Variants in CEP170 observed in about 807,000 individuals in gnomAD.
CEP170 encodes the protein centrosomal protein of 170 kDa.
CEP170 carries 21 observed loss-of-function variants against 151.9 expected under a neutral mutation model. The ratio of observed to expected loss-of-function variants is 0.14; its 90% CI spans 0.10 to 0.20. The LOEUF is 0.20. Among genes scored for constraint, CEP170 ranks in the 10% least tolerant of loss-of-function variants. The pLI, the probability that CEP170 is intolerant of heterozygous loss-of-function variation, is 1.00. For synonymous variants in CEP170, 356 were observed against 648.8 expected (o/e 0.55, Z 6.86); for missense variants, 964 against 1,892.9 (o/e 0.51, Z 9.11).
intron 1 of CEP170, among the ~76,000 whole-genome samples, chr1:243,251,007 A>G (rs1284752941): frequency 6.6e-6 from 1 of 152,226 alleles, no homozygotes; most frequent in Non-Finnish European, 1.5e-5. Context: ...AAAGGAAACC[A>G]TATGAAGTTG....
At chr1:243,244,754 T>TA (rs36113012) in intron 1 of CEP170, among the ~76,000 whole-genome samples, 47,275 of 144,696 alleles carry the variant, frequency 0.33, 7,743 homozygotes, top group South Asian at 0.54. Flanking sequence ...TCACAAAAAG[T>TA]AAAAAAAAAG....
chr1:243,231,658 G>A (rs993563067), intron 1 of CEP170, among the ~76,000 whole-genome samples: 8 of 151,874 alleles, frequency 5.3e-5, no homozygotes, highest in Non-Finnish European at 8.8e-5. Flanking sequence ...AATTGGAATC[G>A]CCAAGGTAAC....
intron 13 of CEP170, among the ~76,000 whole-genome samples, chr1:243,160,800 T>G (rs1484660389): frequency 2.0e-5 from 3 of 152,196 alleles, no homozygotes. Flanking sequence ...CATGCATGTC[T>G]AACATTTAAT....
chr1:243,178,902 TAG>T (rs1351074454), intron 10 of CEP170, among the ~76,000 whole-genome samples: 1 of 152,088 alleles, frequency 6.6e-6, no homozygotes, highest in African/African-American at 2.4e-5. Context: ...GTATTTTTAG[TAG>T]AGAGGGGGTT....
intron 1 of CEP170, among the ~76,000 whole-genome samples, chr1:243,244,934 G>A (rs2065226409): frequency 6.6e-6 from 1 of 151,962 alleles, no homozygotes; most frequent in Non-Finnish European, 1.5e-5. Context: ...TATTTCATAA[G>A]GAAAAGGAAA....
At chr1:243,197,966 C>T (rs1458077026) in intron 7 of CEP170, among the ~76,000 whole-genome samples, 7 of 152,230 alleles carry the variant, frequency 4.6e-5, no homozygotes, top group African/African-American at 7.2e-5. Context: ...ATAACGCTCG[C>T]TTTTCTAGAC....
At chr1:243,233,412 T>TC (rs34114650) in intron 1 of CEP170, among the ~76,000 whole-genome samples, 129,257 of 152,068 alleles carry the variant, frequency 0.85, 55,084 homozygotes, top group East Asian at 0.94. Flanking sequence ...TACACAGGTT[T>TC]AAAATTACAT....
chr1:243,205,102 A>C (rs1254588185), intron 4 of CEP170, among the ~76,000 whole-genome samples: 1 of 152,096 alleles, frequency 6.6e-6, no homozygotes, highest in Non-Finnish European at 1.5e-5. Flanking sequence ...AGCCTGGCAG[A>C]CTCCCTGAGT....
chr1:243,128,044 C>T lies in CEP170; in HGVS notation c.4465+205G>A, dbSNP rs147754079. Among the ~76,000 whole-genome samples, 1,028 of 152,234 alleles carry T rather than the reference C, an allele frequency of 6.8e-3. 7 individuals are homozygous for T. Among genetic ancestry groups the T allele is most frequent in the Non-Finnish European group, 0.011 (729 of 68,030 alleles). On this transcript the variant is annotated intron_variant, in intron 19 of 19. Coordinates refer to ENST00000366542, the MANE Select transcript of CEP170 (RefSeq NM_014812.3). ...AACCTATGAACTAAAATATGCCCAA[C>T]ATATATCTTTATTACATTTTAAATT... is the stretch of plus-strand genomic sequence containing the variant.
chr1:243,204,736 T>G, intron 4 of CEP170, among the ~76,000 whole-genome samples: 1 of 152,210 alleles, frequency 6.6e-6, no homozygotes, highest in Non-Finnish European at 1.5e-5. Flanking sequence ...ATTCCCTTAA[T>G]GATCTCATTC....
rs1045438607 is a variant in CEP170, at chr1:243,200,638, A to G, written c.376T>C (p.Ser126Pro). The change falls in exon 6 of 20, where the codon TCA (serine) becomes CCA (proline). Residue 126 changes from serine (S) to proline (P), a missense_variant. Physicochemically the swap from Ser to Pro is moderately conservative, Grantham distance 74. Coordinates refer to ENST00000366542, the MANE Select transcript of CEP170 (RefSeq NM_014812.3). ...TIQLQLSQKSSESELSKSASA... is the reference protein window; with the variant it reads ...TIQLQLSQKSPESELSKSASA... ...GCAGATTTGGATAATTCTGATTCTG[A>G]AGATTTTTGGGACAACTGAAGCTGA... 7 of 1,542,954 alleles carry G rather than the reference A, an allele frequency of 4.5e-6. No individual in the cohort carries two copies. Among genetic ancestry groups the G allele is most frequent in the Non-Finnish European group, 5.2e-6 (6 of 1,145,624 alleles).
At chr1:243,206,747 G>A (rs1469390192) in intron 4 of CEP170, among the ~76,000 whole-genome samples, 1 of 152,116 alleles carries the variant, frequency 6.6e-6, no homozygotes, top group Non-Finnish European at 1.5e-5. Context: ...GTAGTATGGG[G>A]TTTGTGACAC....
intron 4 of CEP170, among the ~76,000 whole-genome samples, chr1:243,203,081 T>A (rs1296527837): frequency 1.3e-5 from 2 of 152,106 alleles, no homozygotes; most frequent in African/African-American, 4.8e-5. Flanking sequence ...AGCCTCTTGT[T>A]TGGGTCATTA....
At chr1:243,150,270 C>A (rs535777530) in intron 14 of CEP170, among the ~76,000 whole-genome samples, 1 of 152,284 alleles carries the variant, frequency 6.6e-6, no homozygotes, top group African/African-American at 2.4e-5. Context: ...CCTGCCTCAG[C>A]CACCCGAGTA....
Position 243,124,881 on chromosome 1 carries a change from T to C in CEP170, c.*1568A>G, listed in dbSNP as rs1010653758. 6.8e-6 allele frequency: 1 copy of C among 147,574 alleles called. No homozygotes were observed. Among genetic ancestry groups the C allele is most frequent in the African/African-American group, 2.5e-5 (1 of 39,246 alleles). The allele number at this position is 147,574 out of a possible 1,614,324, so 9.1% of individuals were successfully genotyped here. ...TACAAGGAGAATAGTTCATTTACCT[T>C]TTTTTTTTTGTATTTAAAGAAAAAT... On this transcript the variant is annotated 3_prime_UTR_variant, in exon 20 of 20. Transcript: ENST00000366542.
At chr1:243,221,609 A>G in intron 3 of CEP170, 115 bp downstream of exon 3, 1 of 1,067,702 alleles carries the variant, frequency 9.4e-7, no homozygotes, top group Non-Finnish European at 1.3e-6. Context: ...AAGCATTTGA[A>G]AATAACATAC....
At chr1:243,173,803 G>C (rs1458001451) in intron 10 of CEP170, among the ~76,000 whole-genome samples, 1 of 151,014 alleles carries the variant, frequency 6.6e-6, no homozygotes, top group Non-Finnish European at 1.5e-5. Context: ...TTAGAAAAAA[G>C]TATCTCTTCA....
intron 17 of CEP170, among the ~76,000 whole-genome samples, chr1:243,135,458 G>A (rs900046522): frequency 3.3e-5 from 5 of 152,036 alleles, no homozygotes; most frequent in Middle Eastern, 3.2e-3. Flanking sequence ...CGCCTGCCTC[G>A]GCCTCCCAAA....
At chr1:243,147,593 C>A (rs1230113267) in intron 14 of CEP170, among the ~76,000 whole-genome samples, 2 of 152,124 alleles carry the variant, frequency 1.3e-5, no homozygotes, top group Non-Finnish European at 2.9e-5. Flanking sequence ...TCAACATATG[C>A]AGGTGTGAAT....
Sources: allele counts gnomAD v4.1 joint callset (sites outside exome capture counted in the v4.1 genomes callset), GRCh38; gene constraint gnomAD v4.1.1; transcripts MANE v1.5; gene names NCBI Gene and HGNC (gene_info 2026-07-23, HGNC 2026-07-21).